Variants in MYO9B observed in about 807,000 individuals in gnomAD.
MYO9B encodes myosin IXB.
MYO9B carries 71 observed loss-of-function variants against 229.5 expected under a neutral mutation model. The ratio of observed to expected loss-of-function variants is 0.31; its 90% CI spans 0.26 to 0.38. The LOEUF (loss-of-function observed/expected upper bound fraction) is 0.38. Among genes scored for constraint, MYO9B ranks in the 10% least tolerant of loss-of-function variants. MYO9B has a pLI of 1.00. For missense variants in MYO9B, 2,255 were observed against 2,920.5 expected (o/e 0.77, Z 5.25); for synonymous variants, 1,185 against 1,235.8 (o/e 0.96, Z 0.86).
intron 17 of MYO9B, 70 bp from the exon 18 acceptor site, chr19:17,185,851 T>C: frequency 7.9e-7 from 1 of 1,270,378 alleles, no homozygotes; most frequent in Non-Finnish European, 1.1e-6. Context: ...GTGTCCCAGG[T>C]CTGCTCCCAC....
chr19:17,176,035 G>C (rs1304790412), intron 14 of MYO9B, among the ~76,000 whole-genome samples: 1 of 150,020 alleles, frequency 6.7e-6, no homozygotes, highest in Non-Finnish European at 1.5e-5. Context: ...GTTTTTGTTT[G>C]TTTGTTTGTT....
chr19:17,104,588 A>G (rs1476140623), intron 2 of MYO9B, among the ~76,000 whole-genome samples: 1 of 151,804 alleles, frequency 6.6e-6, no homozygotes, highest in Non-Finnish European at 1.5e-5. Context: ...CCTTTTTTTC[A>G]TTTTTATTTT....
At chr19:17,148,477 G>A (rs2072440574) in intron 3 of MYO9B, among the ~76,000 whole-genome samples, 1 of 152,162 alleles carries the variant, frequency 6.6e-6, no homozygotes, top group South Asian at 2.1e-4. Context: ...GAGTCTCTAG[G>A]GAAAGATCCT....
rs375200567 is a variant in MYO9B, at chr19:17,152,678, C to T, written c.970C>T (p.Arg324Cys). The stretch of plus-strand genomic sequence containing the variant: ...CGAGAAATATCTGCTTGAAAAGTCT[C>T]GCCTGGTGTCTCAGGAGAAGGATGA... Reference protein sequence around the residue: ...VVEKYLLEKSRLVSQEKDERN... With the variant: ...VVEKYLLEKSCLVSQEKDERN... The change falls in exon 4 of 40, where the codon CGC becomes TGC. Residue 324 changes from arginine (R) to cysteine (C), a missense_variant. By Grantham distance (180) the Arg-to-Cys change is radical. Around this residue, in one of 7 missense-constraint regions of MYO9B, gnomAD observed 386 missense variants for 515.2 expected, o/e 0.75. Coordinates refer to ENST00000682292, the MANE Select transcript of MYO9B (RefSeq NM_004145.4). 2 of 1,613,278 alleles carry T rather than the reference C, an allele frequency of 1.2e-6. No homozygotes were observed. Among genetic ancestry groups the T allele is most frequent in the African/African-American group, 1.3e-5 (1 of 74,898 alleles).
intron 1 of MYO9B, among the ~76,000 whole-genome samples, chr19:17,082,579 G>C (rs1044667163): frequency 2.0e-5 from 3 of 152,180 alleles, no homozygotes; most frequent in African/African-American, 7.2e-5. Context: ...GATTCCCAGG[G>C]TATGGGTACT....
rs894570800 is a variant in MYO9B at position 17,213,066 on chromosome 19, C to T, written c.*756C>T. The T allele has an allele frequency of 6.6e-6, 1 of 152,310 alleles. No individual in the cohort carries two copies. Among genetic ancestry groups the T allele is most frequent in the African/African-American group, 2.4e-5 (1 of 41,464 alleles). 9.4% of individuals were successfully genotyped at this position (152,310 alleles called of 1,614,324 possible). On this transcript the variant is annotated 3_prime_UTR_variant, in exon 40 of 40. Transcript: ENST00000682292. ...AGGCTGCTTTTGGCACTACCCACCC[C>T]GTGTGACAGAATAGGAGCCAGCGAC...
intron 1 of MYO9B, among the ~76,000 whole-genome samples, chr19:17,083,026 C>CTTTTTTTTTTTT (rs71334657): frequency 1.1e-5 from 1 of 90,922 alleles, no homozygotes; most frequent in East Asian, 3.2e-4. Context: ...GTGAATCTTG[C>CTTTTTTTTTTTT]TTTTTTTTTT....
chr19:17,110,763 C>A (rs901530908), intron 2 of MYO9B, among the ~76,000 whole-genome samples: 3 of 152,162 alleles, frequency 2.0e-5, no homozygotes, highest in Non-Finnish European at 4.4e-5. Flanking sequence ...CGCAGAGGGA[C>A]GCCCCCAGCT....
At chr19:17,125,110 G>A (rs2058002814) in intron 2 of MYO9B, among the ~76,000 whole-genome samples, 1 of 152,116 alleles carries the variant, frequency 6.6e-6, no homozygotes, top group Non-Finnish European at 1.5e-5. Flanking sequence ...GACCAGCCTG[G>A]GCAACATAAT....
chr19:17,205,238 G>T, intron 30 of MYO9B, 25 bp from the exon 31 acceptor site: 1 of 1,610,628 alleles, frequency 6.2e-7, no homozygotes, highest in South Asian at 1.1e-5. Context: ...CACCCTCTGT[G>T]ACTCCCACCC....
chr19:17,147,663 CTA>C (rs1409298075), intron 3 of MYO9B, among the ~76,000 whole-genome samples: 1 of 138,468 alleles, frequency 7.2e-6, no homozygotes, highest in East Asian at 2.2e-4. Flanking sequence ...CGCCCAGACA[CTA>C]TGTTTAATTT....
At chr19:17,127,167 A>G (rs2072132071) in intron 2 of MYO9B, among the ~76,000 whole-genome samples, 2 of 144,952 alleles carry the variant, frequency 1.4e-5, no homozygotes, top group South Asian at 4.4e-4. Flanking sequence ...GCACACCACC[A>G]CGCCCGGCTA....
In MYO9B at chr19:17,199,509, G is replaced by T. The variant is rs1599419553; in HGVS notation, c.4239-784G>T. 2.7e-5 allele frequency among the ~76,000 whole-genome samples: 4 copies of T among 150,692 alleles called. No homozygotes were observed. In the South Asian group the frequency reaches 8.4e-4, roughly 32 times the overall value. ...TAAGATAATCCTGTGTTGTTTTTTT[G>T]TTTGTTTTTTTTTTGAGACAGAATC... On this transcript the variant is annotated intron_variant, in intron 24 of 39. Transcript: ENST00000682292.
Position 17,210,819 on chromosome 19 carries a change from T to G in MYO9B, c.5901T>G (p.Ile1967Met), listed in dbSNP as rs114482091. 104 of 1,598,836 alleles carry G rather than the reference T, an allele frequency of 6.5e-5. 2 individuals carry two copies. In the South Asian group the frequency reaches 1.1e-3, roughly 17 times the overall value. Residue 1967 changes from isoleucine (I) to methionine (M), a missense_variant, in exon 38 of 40, where the codon ATT becomes ATG. By Grantham distance (10) the Ile-to-Met change is conservative (BLOSUM62 1). Around this residue, in one of 7 missense-constraint regions of MYO9B, gnomAD observed 331 missense variants for 332.5 expected, o/e 1.00. Transcript: ENST00000682292. ...GDEDREKEIL[I>M]ERIQSIKEEK... ...AGGACCGGGAAAAGGAGATTCTCATTGAACGGATCCAGTCCATCAAGGAGG... is the reference window on the plus strand; with the variant it reads ...AGGACCGGGAAAAGGAGATTCTCATGGAACGGATCCAGTCCATCAAGGAGG...
intron 11 of MYO9B, among the ~76,000 whole-genome samples, chr19:17,168,430 T>A (rs1050302113): frequency 2.6e-5 from 4 of 151,952 alleles, no homozygotes; most frequent in Non-Finnish European, 5.9e-5. Flanking sequence ...CCTCCGAGAG[T>A]ACTGGGATTA....
In MYO9B at chr19:17,195,237, G is replaced by A; in HGVS notation, c.3810G>A (p.Glu1270=). ...VSPPAPGSAP[E]TPEDKSKPCG... is the part of the protein sequence containing the mutation. ...CACCGGCCCCTGGCAGCGCCCCCGA[G>A]ACCCCCGAGGACAAGAGCAAACCAT... The change falls in exon 22 of 40, where the codon GAG becomes GAA. Residue 1270 remains glutamate (E), a synonymous_variant. Transcript: ENST00000682292. The surrounding 1 kb of genome is among the most constrained non-coding windows in gnomAD (Gnocchi z 4.5). The A allele has an allele frequency of 6.2e-7, 1 of 1,612,122 alleles. No homozygotes were observed. Among genetic ancestry groups the A allele is most frequent in the Non-Finnish European group, 8.5e-7 (1 of 1,179,522 alleles).
At chr19:17,127,867 C>T (rs1038223620) in intron 2 of MYO9B, among the ~76,000 whole-genome samples, 1 of 152,220 alleles carries the variant, frequency 6.6e-6, no homozygotes, top group African/African-American at 2.4e-5. Context: ...CTTCGCAGAA[C>T]AAGTTTACTG....
chr19:17,176,639 G>T (rs908922616), intron 14 of MYO9B, among the ~76,000 whole-genome samples: 2 of 152,116 alleles, frequency 1.3e-5, no homozygotes, highest in African/African-American at 4.8e-5. Context: ...AGTTTACAAA[G>T]GATCCATTTT....
At chr19:17,149,552 G>T (rs533920435) in intron 3 of MYO9B, among the ~76,000 whole-genome samples, 2 of 152,142 alleles carry the variant, frequency 1.3e-5, no homozygotes, top group South Asian at 2.1e-4. Context: ...GGCCATCCTC[G>T]CCCCAGGGAG....
Sources: allele counts gnomAD v4.1 joint callset (sites outside exome capture counted in the v4.1 genomes callset), GRCh38; gene constraint gnomAD v4.1.1; regional missense constraint gnomAD v4.1.1; non-coding constraint Gnocchi (gnomAD v3.1); transcripts MANE v1.5; gene names NCBI Gene and HGNC (gene_info 2026-07-23, HGNC 2026-07-21).